SOX6: variants seen among roughly 807,000 people sequenced by gnomAD.
The protein encoded by SOX6 is SRY-box transcription factor 6.
In SOX6, 11 loss-of-function variants were observed where a neutral mutation model predicts 97.8. The observed-to-expected ratio is 0.11, with a 90% CI of 0.07 to 0.19. SOX6 has a LOEUF of 0.19. Ranked by LOEUF, SOX6 falls within the 10% of genes least tolerant of loss-of-function variation. SOX6 has a pLI of 1.00. For missense variants in SOX6, 810 were observed against 1,039.5 expected, an observed-to-expected ratio of 0.78 and a Z score of 3.04; for synonymous variants, 360 against 371.4, an observed-to-expected ratio of 0.97 and a Z score of 0.35.
At chr11:16,566,718 A>G (rs1049031515) in intron 4 of SOX6, among the ~76,000 whole-genome samples, 13 of 152,252 alleles carry the variant, frequency 8.5e-5, no homozygotes, top group African/African-American at 2.7e-4. Flanking sequence ...GAACCTTCAT[A>G]CATGGCTCAT....
At chr11:16,380,555 C>CA (rs889135340) in intron 1 of SOX6, among the ~76,000 whole-genome samples, 57 of 151,206 alleles carry the variant, frequency 3.8e-4, no homozygotes, top group African/African-American at 9.7e-4. Flanking sequence ...TGGCTAAATG[C>CA]AAAAAAAACA....
intron 3 of SOX6, among the ~76,000 whole-genome samples, chr11:16,269,480 T>C (rs1440502427): frequency 6.6e-6 from 1 of 150,710 alleles, no homozygotes; most frequent in East Asian, 1.9e-4. Flanking sequence ...GTGTTACATT[T>C]ATAAATTATA....
intron 4 of SOX6, among the ~76,000 whole-genome samples, chr11:16,222,437 C>A (rs1852569721): frequency 6.6e-6 from 1 of 152,066 alleles, no homozygotes; most frequent in Non-Finnish European, 1.5e-5. Flanking sequence ...TGGTCTTGAA[C>A]TCCTATCTGC....
At position 16,420,919 on chromosome 11, in the gene SOX6, C is replaced by T. The variant is rs771394558; in HGVS notation, c.-5+55396G>A. 3.4e-4 allele frequency among the ~76,000 whole-genome samples: 52 copies of T among 152,166 alleles called. 1 individual carries two copies. Among genetic ancestry groups the T allele is most frequent in the Admixed American group, 2.6e-4 (4 of 15,272 alleles). On this transcript the variant is annotated intron_variant, in intron 1 of 15. Transcript: ENST00000396356. Reference sequence around the variant, plus strand: ...CAAGCTCAGCAGCATTTAGCAGATTCCTGGGCCTCCAAGGCCTAACATTTA... The same window carrying T: ...CAAGCTCAGCAGCATTTAGCAGATTTCTGGGCCTCCAAGGCCTAACATTTA...
chr11:16,055,380 CCTATAAG>C (rs1847788533), intron 10 of SOX6, among the ~76,000 whole-genome samples: 1 of 152,044 alleles, frequency 6.6e-6, no homozygotes, highest in African/African-American at 2.4e-5. Context: ...ATTCTCTGGT[CCTATAAG>C]TTAACTCCCT....
intron 7 of SOX6, among the ~76,000 whole-genome samples, chr11:16,111,078 C>T (rs1352567616): frequency 2.0e-5 from 3 of 152,196 alleles, no homozygotes; most frequent in East Asian, 1.9e-4. Context: ...TGACTATCTT[C>T]TTACATTGGA....
At chr11:16,585,444 C>T (rs560625985) in intron 4 of SOX6, among the ~76,000 whole-genome samples, 1 of 152,216 alleles carries the variant, frequency 6.6e-6, no homozygotes, top group East Asian at 1.9e-4. Flanking sequence ...GAGATTAAAA[C>T]AACAGGCCAA....
chr11:16,546,304 C>T (rs1050651164), intron 4 of SOX6, among the ~76,000 whole-genome samples: 1 of 152,094 alleles, frequency 6.6e-6, no homozygotes, highest in Non-Finnish European at 1.5e-5. Context: ...AATGCAACCC[C>T]TATCAAAATA....
intron 4 of SOX6, among the ~76,000 whole-genome samples, chr11:16,609,927 T>A (rs1224554352): frequency 1.3e-5 from 2 of 152,224 alleles, no homozygotes; most frequent in Admixed American, 1.3e-4. Context: ...CTGGAAATTC[T>A]GTCTCTAGGG....
At chr11:16,733,876 A>G (rs1848370834) in intron 2 of SOX6, among the ~76,000 whole-genome samples, 1 of 151,834 alleles carries the variant, frequency 6.6e-6, no homozygotes, top group Non-Finnish European at 1.5e-5. Context: ...AATACAAAAA[A>G]ATTAGCCGGG....
At chr11:16,258,585 T>A (rs144342481) in intron 3 of SOX6, among the ~76,000 whole-genome samples, 37 of 152,054 alleles carry the variant, frequency 2.4e-4, no homozygotes, top group Non-Finnish European at 4.4e-4. Flanking sequence ...TACAGAGTAT[T>A]TTTTTACGGT....
At position 16,072,744 on chromosome 11, in the gene SOX6, A is replaced by G. The variant is rs547182623; in HGVS notation, c.1102-16843T>C. On this transcript the variant is annotated intron_variant, in intron 9 of 15. Coordinates refer to ENST00000683767, the MANE Select transcript of SOX6 (RefSeq NM_001367873.1). Reference sequence around the variant, plus strand: ...GGGAACCCCATTAAGCTAATAGCAAACTTTTCAGCAGAAACCCTACAAGCC... The same window carrying G: ...GGGAACCCCATTAAGCTAATAGCAAGCTTTTCAGCAGAAACCCTACAAGCC... Among the ~76,000 whole-genome samples the G allele has an allele frequency of 9.2e-5, 14 of 152,308 alleles. No individual in the cohort carries two copies. The East Asian group carries it at 2.7e-3, about 29-fold the overall frequency.
At chr11:16,383,366 G>A (rs528672156) in intron 1 of SOX6, among the ~76,000 whole-genome samples, 2 of 151,902 alleles carry the variant, frequency 1.3e-5, no homozygotes, top group Non-Finnish European at 2.9e-5. Flanking sequence ...TCTTAAAGGA[G>A]AATTCCTCAG....
At chr11:16,256,606 T>C (rs1055044779) in intron 3 of SOX6, among the ~76,000 whole-genome samples, 4 of 151,904 alleles carry the variant, frequency 2.6e-5, no homozygotes, top group African/African-American at 4.8e-5. Context: ...TCACATGTAA[T>C]GGTGAGAAAC....
chr11:16,023,340 T>C (rs1252168936), intron 12 of SOX6: 1 of 152,182 alleles, frequency 6.6e-6, no homozygotes, highest in Non-Finnish European at 1.5e-5. Context: ...GTGCCTCTCA[T>C]GATGTTGCAC....
chr11:16,593,088 G>T (rs1242174764), intron 4 of SOX6, among the ~76,000 whole-genome samples: 1 of 150,744 alleles, frequency 6.6e-6, no homozygotes, highest in East Asian at 1.9e-4. Flanking sequence ...TAAGCATAAA[G>T]CACATATAGA....
intron 13 of SOX6, among the ~76,000 whole-genome samples, chr11:16,007,258 T>C (rs1181405176): frequency 6.6e-6 from 1 of 152,126 alleles, no homozygotes; most frequent in Non-Finnish European, 1.5e-5. Flanking sequence ...TACAGCATGT[T>C]ACTGTACTGA....
chr11:16,115,021 A>G (rs1211502328), intron 6 of SOX6, among the ~76,000 whole-genome samples: 3 of 152,208 alleles, frequency 2.0e-5, no homozygotes, highest in African/African-American at 7.2e-5. Context: ...GATAAGCTGT[A>G]AGAATTTAGG....
At chr11:16,238,934 A>G (rs1366862952) in intron 3 of SOX6, among the ~76,000 whole-genome samples, 1 of 152,132 alleles carries the variant, frequency 6.6e-6, no homozygotes, top group Non-Finnish European at 1.5e-5. Context: ...AGGAATCATA[A>G]ATTTCAAATG....
Sources: gnomAD v4.1 joint callset for allele counts (sites outside exome capture counted in the v4.1 genomes callset) on GRCh38, gnomAD v4.1.1 for gene constraint, MANE v1.5 for transcripts, NCBI Gene and HGNC (gene_info 2026-07-23, HGNC 2026-07-21) for gene names.